Variants in ATAD5 observed in about 807,000 individuals in gnomAD.
ATAD5 encodes ATPase family AAA domain containing 5.
A neutral mutation model predicts 176.9 loss-of-function variants in ATAD5; 58 were observed. The ratio of observed to expected loss-of-function variants is 0.33; its 90% CI spans 0.27 to 0.41. The LOEUF is 0.41. Ranked by LOEUF, ATAD5 falls within the 10% of genes least tolerant of loss-of-function variation. The pLI is 1.00. For synonymous variants in ATAD5, 640 were observed against 712.6 expected (o/e 0.90, Z 1.62); for missense variants, 1,789 against 2,094.1 (o/e 0.85, Z 2.84).
At chr17:30,894,745 C>T (rs61348930) in intron 22 of ATAD5, 23 bp downstream of exon 22, 180,904 of 1,576,304 alleles carry the variant, frequency 0.11, 11,808 homozygotes, top group South Asian at 0.24. Context: ...TTAAAAACAA[C>T]ATTTTAGATA....
At position 30,854,750 on chromosome 17, in the gene ATAD5, G is replaced by GT. The variant is rs1256861984; in HGVS notation, c.2451-387dup. Among the ~76,000 whole-genome samples the GT allele has an allele frequency of 3.3e-5, 5 of 151,706 alleles. No homozygotes were observed. The South Asian group carries it at 8.3e-4, about 25-fold the overall frequency. ...TTTTTGTTTTGTTTTGTTTTGTTTT[G>GT]TTTTTTGTTATTTTTTGAGACAGTC... On this transcript the variant is annotated intron_variant, in intron 6 of 22. Transcript: ENST00000321990.
At position 30,835,523 on chromosome 17, in the gene ATAD5, A is replaced by G. The variant is rs1279632953; in HGVS notation, c.1442A>G (p.Lys481Arg). The G allele has an allele frequency of 1.2e-6, 2 of 1,606,646 alleles. No individual in the cohort carries two copies. The highest frequency in any genetic ancestry group is 2.3e-5 in the South Asian group (2 of 88,162). Residue 481 changes from lysine to arginine, a missense_variant, in exon 2 of 23, where the codon AAG becomes AGG. This residue lies in a region of ATAD5 where 696 missense variants were observed against 712.5 expected (regional missense o/e 0.98). Coordinates refer to ENST00000321990, the MANE Select transcript of ATAD5 (RefSeq NM_024857.5). ...LKEKNKKLKK[K>R]NKKTLDTGAI... ...GAGAAAAATAAAAAGCTAAAGAAGA[A>G]GAATAAGAAAACATTAGATACTGGG...
Position 30,887,221 on chromosome 17 carries a change from T to A in ATAD5, c.4107T>A (p.Ile1369=), listed in dbSNP as rs1597997890. The change falls in exon 19 of 23, where the codon ATT becomes ATA. Residue 1369 remains isoleucine (I), a synonymous_variant. Coordinates refer to ENST00000321990, the MANE Select transcript of ATAD5 (RefSeq NM_024857.5). ...LLNVASYLQM[I]CLTENFRTDV... is the part of the protein sequence containing the mutation. ...ATGTTGCCAGCTACCTACAAATGAT[T>A]TGCTTAACTGAGAATTTTAGAACTG... The A allele has an allele frequency of 6.3e-7, 1 of 1,591,028 alleles. No homozygotes were observed.
intron 18 of ATAD5, among the ~76,000 whole-genome samples, 161 bp downstream of exon 18, chr17:30,879,648 C>T (rs1029228692): frequency 2.0e-5 from 3 of 151,598 alleles, no homozygotes; most frequent in East Asian, 3.9e-4. Flanking sequence ...CTGCAAGCTC[C>T]GCTTCCCGGG....
At chr17:30,850,361 C>CT (rs757662884) in intron 6 of ATAD5, among the ~76,000 whole-genome samples, 3,580 of 136,346 alleles carry the variant, frequency 0.026, 165 homozygotes, top group African/African-American at 0.088. Flanking sequence ...TATGAGACTT[C>CT]TTTTTTTTTT....
At chr17:30,850,831 TTTTATATATATA>T (rs1319157477) in intron 6 of ATAD5, among the ~76,000 whole-genome samples, 3,082 of 62,278 alleles carry the variant, frequency 0.049, 177 homozygotes, top group African/African-American at 0.065. Flanking sequence ...ATTTATATAT[TTTTATATATATA>T]TATATATATA....
At chr17:30,842,193 C>T (rs1453239658) in intron 4 of ATAD5, among the ~76,000 whole-genome samples, 31 of 152,016 alleles carry the variant, frequency 2.0e-4, no homozygotes, top group Non-Finnish European at 1.5e-5. Context: ...CACTTGAACC[C>T]GGGAGGCGGA....
intron 14 of ATAD5, among the ~76,000 whole-genome samples, chr17:30,875,653 C>T (rs1449186110): frequency 6.6e-6 from 1 of 151,812 alleles, no homozygotes; most frequent in Non-Finnish European, 1.5e-5. Flanking sequence ...AACGATTAGC[C>T]AGGCGTGGTG....
intron 10 of ATAD5, chr17:30,861,972 T>C (rs1347948798): frequency 1.3e-5 from 2 of 150,824 alleles, no homozygotes; most frequent in African/African-American, 2.4e-5. Flanking sequence ...TTCGCCATGT[T>C]GGCCAGGCTG....
At chr17:30,882,474 C>A (rs1472499282) in intron 18 of ATAD5, among the ~76,000 whole-genome samples, 1 of 152,010 alleles carries the variant, frequency 6.6e-6, no homozygotes, top group Non-Finnish European at 1.5e-5. Flanking sequence ...CCTGTAGTCC[C>A]AGCTACTTGG....
intron 18 of ATAD5, 53 bp from the exon 19 acceptor site, chr17:30,887,139 G>A (rs1909367867): frequency 7.0e-7 from 1 of 1,425,464 alleles, no homozygotes; most frequent in Non-Finnish European, 9.4e-7. Context: ...ATGTATTATT[G>A]CTGTATCTAT....
At chr17:30,851,542 C>G (rs1003863221) in intron 6 of ATAD5, among the ~76,000 whole-genome samples, 1 of 151,542 alleles carries the variant, frequency 6.6e-6, no homozygotes, top group African/African-American at 2.4e-5. Flanking sequence ...CATAGTGGCT[C>G]ACACCTGTAA....
At chr17:30,888,031 C>T (rs1259505153) in intron 19 of ATAD5, among the ~76,000 whole-genome samples, 1 of 151,638 alleles carries the variant, frequency 6.6e-6, no homozygotes, top group African/African-American at 2.4e-5. Flanking sequence ...GATGGGGTTT[C>T]ATTATGTTGG....
At position 30,876,480 on chromosome 17, in the gene ATAD5, A is replaced by G. The variant is rs1908685247; in HGVS notation, c.3714A>G (p.Ala1238=). 6.2e-7 allele frequency: 1 copy of G among 1,607,004 alleles called. No homozygotes were observed. Among genetic ancestry groups the G allele is most frequent in the Non-Finnish European group, 8.5e-7 (1 of 1,174,548 alleles). The change falls in exon 15 of 23, where the codon GCA becomes GCG. Residue 1238 remains alanine, a synonymous_variant. Coordinates refer to ENST00000321990, the MANE Select transcript of ATAD5 (RefSeq NM_024857.5). The stretch of plus-strand genomic sequence containing the variant: ...GAGCACTTCCTCCCAAAACCTTGGC[A>G]AATTATTTTAAAGTATCTCCCAAAC... ...PKRALPPKTL[A]NYFKVSPKPK...
chr17:30,877,165 G>A (rs1188648601), intron 15 of ATAD5, among the ~76,000 whole-genome samples: 1 of 151,954 alleles, frequency 6.6e-6, no homozygotes, highest in African/African-American at 2.4e-5. Flanking sequence ...TTACAGGTGT[G>A]TGCCACCACA....
intron 7 of ATAD5, 118 bp downstream of exon 7, chr17:30,855,445 G>A: frequency 8.9e-7 from 1 of 1,125,676 alleles, no homozygotes; most frequent in Non-Finnish European, 1.2e-6. Flanking sequence ...GGTGACTTTA[G>A]TGGGAATTTT....
Position 30,834,651 on chromosome 17 carries a change from A to G in ATAD5, c.570A>G (p.Lys190=), listed in dbSNP as rs1416090086. 1.2e-6 allele frequency: 2 copies of G among 1,609,964 alleles called. No individual in the cohort carries two copies. The highest frequency in any genetic ancestry group is 1.7e-6 in the Non-Finnish European group (2 of 1,179,096). ...NTMTSLQNSK[K]VNPKQGTTKN... is the part of the protein sequence containing the mutation. ...TGACCTCCCTGCAAAATTCTAAAAA[A>G]GTAAATCCTAAACAAGGGACCACAA... Residue 190 remains lysine, a synonymous_variant, in exon 2 of 23, where the codon AAA becomes AAG. Coordinates refer to ENST00000321990, the MANE Select transcript of ATAD5 (RefSeq NM_024857.5).
At chr17:30,883,999 T>A (rs553361587) in intron 18 of ATAD5, among the ~76,000 whole-genome samples, 44 of 152,232 alleles carry the variant, frequency 2.9e-4, no homozygotes, top group Non-Finnish European at 6.0e-4. Flanking sequence ...TAGTGTTAAG[T>A]ATATTCACAT....
At chr17:30,850,835 A>ATT (rs1906854145) in intron 6 of ATAD5, among the ~76,000 whole-genome samples, 1 of 4,768 alleles carries the variant, frequency 2.1e-4, no homozygotes, top group African/African-American at 8.0e-4. Flanking sequence ...ATATATTTTT[A>ATT]TATATATATA....
Sources: gnomAD v4.1 joint callset for allele counts (sites outside exome capture counted in the v4.1 genomes callset) on GRCh38, gnomAD v4.1.1 for gene constraint, gnomAD v4.1.1 regional missense constraint, MANE v1.5 for transcripts, NCBI Gene and HGNC (gene_info 2026-07-23, HGNC 2026-07-21) for gene names.